CTNNA2: variants seen among roughly 807,000 people sequenced by gnomAD.
CTNNA2 encodes the protein catenin alpha-2.
CTNNA2 carries 42 observed loss-of-function variants against 101.0 expected under a neutral mutation model. The ratio of observed to expected loss-of-function variants is 0.42; its 90% confidence interval spans 0.32 to 0.54. CTNNA2 has a LOEUF of 0.54. CTNNA2 is among the 20% of genes least tolerant of loss of function. The pLI, the probability that CTNNA2 is intolerant of heterozygous loss-of-function variation, is 0.14. For missense variants in CTNNA2, 871 were observed against 1,223.1 expected, an observed-to-expected ratio of 0.71 and a Z score of 4.29; for synonymous variants, 450 against 456.4, an observed-to-expected ratio of 0.99 and a Z score of 0.18.
At chr2:80,014,891 C>T (rs924446268) in intron 7 of CTNNA2, among the ~76,000 whole-genome samples, 1 of 152,150 alleles carries the variant, frequency 6.6e-6, no homozygotes, top group Non-Finnish European at 1.5e-5. Context: ...GAATCTCTTT[C>T]CTTTAATCAC....
chr2:79,476,678 C>T (rs1251457368), intron 4 of CTNNA2, among the ~76,000 whole-genome samples: 1 of 152,178 alleles, frequency 6.6e-6, no homozygotes, highest in Non-Finnish European at 1.5e-5. Flanking sequence ...CTTCTGAGAT[C>T]TTGGCCCATT....
intron 2 of CTNNA2, among the ~76,000 whole-genome samples, chr2:79,660,291 ATGTATATACATATGTATG>A (rs1380177831): frequency 6.7e-6 from 1 of 149,874 alleles, no homozygotes; most frequent in African/African-American, 2.4e-5. Context: ...GTGTATCCAT[ATGTATATACATATGTATG>A]TGTATATACA....
chr2:79,570,322 TCA>T (rs1675384239), intron 1 of CTNNA2, among the ~76,000 whole-genome samples: 2 of 152,186 alleles, frequency 1.3e-5, no homozygotes, highest in South Asian at 2.1e-4. Flanking sequence ...GCTCTTAAAA[TCA>T]CAGTCTCAGG....
chr2:80,143,031 A>T (rs564305974), intron 7 of CTNNA2, among the ~76,000 whole-genome samples: 1 of 152,310 alleles, frequency 6.6e-6, no homozygotes, highest in African/African-American at 2.4e-5. Context: ...CCTTGTATGG[A>T]GTAAGGAAGG....
In CTNNA2 at chr2:79,935,652, A is replaced by T. The variant is rs932506015; in HGVS notation, c.1056+25855A>T. Among the ~76,000 whole-genome samples the T allele has an allele frequency of 2.0e-5, 3 of 152,348 alleles. No homozygotes were observed. In the East Asian group the frequency reaches 5.8e-4, roughly 29 times the overall value. The stretch of plus-strand genomic sequence containing the variant: ...GAAGAATTGGTGTCACATTGTAGTT[A>T]TACGAAGACTATACATGAGATGAAT... On this transcript the variant is annotated intron_variant, in intron 7 of 18. Coordinates refer to ENST00000402739, the MANE Select transcript of CTNNA2 (RefSeq NM_001282597.3).
At chr2:80,499,084 T>A (rs1687679055) in intron 9 of CTNNA2, among the ~76,000 whole-genome samples, 1 of 152,228 alleles carries the variant, frequency 6.6e-6, no homozygotes, top group African/African-American at 2.4e-5. Context: ...TAGGAAGGGC[T>A]GTCTCCATAA....
intron 2 of CTNNA2, among the ~76,000 whole-genome samples, chr2:79,284,560 A>G (rs1321679297): frequency 1.1e-4 from 17 of 151,310 alleles, no homozygotes; most frequent in African/African-American, 3.9e-4. Context: ...GCTGGATTAC[A>G]TTTATTGATT....
chr2:80,559,891 T>TTTATATATATATATATATATATATAC (rs67796030), intron 12 of CTNNA2, among the ~76,000 whole-genome samples: 1 of 146,816 alleles, frequency 6.8e-6, no homozygotes, highest in African/African-American at 2.6e-5. Context: ...TATATATATA[T>TTTATATATATATATATATATATATAC]ACACACACAT....
chr2:80,254,602 A>G (rs1042470856), intron 7 of CTNNA2, among the ~76,000 whole-genome samples: 2 of 152,112 alleles, frequency 1.3e-5, no homozygotes, highest in African/African-American at 2.4e-5. Context: ...AAGACAGATG[A>G]GCACCTTTAT....
chr2:79,982,411 C>A (rs374403344), intron 7 of CTNNA2, among the ~76,000 whole-genome samples: 2 of 136,384 alleles, frequency 1.5e-5, no homozygotes, highest in East Asian at 2.2e-4. Flanking sequence ...TAACATATAA[C>A]ACATATATAA....
chr2:79,723,860 T>A (rs971467342), intron 2 of CTNNA2, among the ~76,000 whole-genome samples: 8 of 152,220 alleles, frequency 5.3e-5, no homozygotes, highest in African/African-American at 1.9e-4. Flanking sequence ...CCTAAGGGAA[T>A]GAGGCCTGAA....
chr2:80,038,685 A>C (rs1695828993), intron 7 of CTNNA2, among the ~76,000 whole-genome samples: 1 of 152,106 alleles, frequency 6.6e-6, no homozygotes, highest in African/African-American at 2.4e-5. Context: ...GTCTCTACTA[A>C]AAGTACAAAA....
chr2:79,571,223 A>C (rs1204815119), intron 1 of CTNNA2, among the ~76,000 whole-genome samples: 1 of 152,146 alleles, frequency 6.6e-6, no homozygotes, highest in Non-Finnish European at 1.5e-5. Flanking sequence ...AATGGTCAGT[A>C]ACAAGTGTCT....
chr2:79,202,335 AT>A (rs1247762378), intron 2 of CTNNA2, among the ~76,000 whole-genome samples: 1 of 113,756 alleles, frequency 8.8e-6, no homozygotes, highest in Non-Finnish European at 1.9e-5. Flanking sequence ...TTGTTTTTTT[AT>A]TTTTTTTATT....
chr2:79,587,953 G>A (rs760845230), intron 1 of CTNNA2, among the ~76,000 whole-genome samples: 2 of 152,052 alleles, frequency 1.3e-5, no homozygotes, highest in Non-Finnish European at 2.9e-5. Flanking sequence ...ATTTAAGATC[G>A]TTTATCTTGT....
chr2:80,305,485 C>T (rs1313597471), intron 7 of CTNNA2, among the ~76,000 whole-genome samples: 3 of 151,838 alleles, frequency 2.0e-5, no homozygotes, highest in Non-Finnish European at 2.9e-5. Context: ...CTGGGCCCTG[C>T]AGTGCACCCC....
chr2:79,919,771 G>A (rs759454734), intron 7 of CTNNA2, among the ~76,000 whole-genome samples: 52 of 152,294 alleles, frequency 3.4e-4, no homozygotes, highest in African/African-American at 1.3e-3. Flanking sequence ...CCAAAGATAA[G>A]CTCCCTTGCT....
chr2:79,209,285 T>C (rs540747473), intron 2 of CTNNA2, among the ~76,000 whole-genome samples: 3 of 152,356 alleles, frequency 2.0e-5, no homozygotes, highest in Admixed American at 2.0e-4. Flanking sequence ...TACAAGATTC[T>C]AGCTTTTTAT....
chr2:79,835,680 T>TG lies in CTNNA2; in HGVS notation c.299-22333_299-22332insG, dbSNP rs1327631921. Among the ~76,000 whole-genome samples the TG allele has an allele frequency of 4.9e-3, 605 of 123,384 alleles. 18 individuals are homozygous for TG. The highest frequency in any genetic ancestry group is 0.02 in the African/African-American group (574 of 28,312). 80.9% of individuals were successfully genotyped at this position (123,384 alleles called of 152,430 possible). On this transcript the variant is annotated intron_variant, in intron 3 of 18. Transcript: ENST00000402739. Reference sequence around the variant, plus strand: ...GGCCTCTCTTTGTTTTTTTTTTTTTTTTTTTTTTTTTTTTTTTTTTTTTGA... The same window carrying TG: ...GGCCTCTCTTTGTTTTTTTTTTTTTTGTTTTTTTTTTTTTTTTTTTTTTTGA...
Sources: allele counts gnomAD v4.1 joint callset (sites outside exome capture counted in the v4.1 genomes callset), GRCh38; gene constraint gnomAD v4.1.1; transcripts MANE v1.5; gene names NCBI Gene and HGNC (gene_info 2026-07-23, HGNC 2026-07-21).